PRICKLE2: variants seen among roughly 807,000 people sequenced by gnomAD.
PRICKLE2 encodes the protein prickle planar cell polarity protein 2, also known as prickle-like protein 2.
In PRICKLE2, 21 loss-of-function variants were observed where a neutral mutation model predicts 81.4. That is an observed-to-expected ratio of 0.26 (90% confidence interval 0.18 to 0.37). The LOEUF is 0.37. PRICKLE2 is among the 10% of genes least tolerant of loss of function. The pLI is 1.00. For missense variants in PRICKLE2, 940 were observed against 1,109.0 expected, an observed-to-expected ratio of 0.85 and a Z score of 2.16; for synonymous variants, 456 against 421.5, an observed-to-expected ratio of 1.08 and a Z score of -1.00.
chr3:64,216,404 G>A (rs1176139963), intron 1 of PRICKLE2, among the ~76,000 whole-genome samples: 1 of 152,190 alleles, frequency 6.6e-6, no homozygotes, highest in Non-Finnish European at 1.5e-5. Context: ...ATCTGGTTTG[G>A]AAAACTGGTT....
intron 7 of PRICKLE2, among the ~76,000 whole-genome samples, chr3:64,132,038 T>G (rs1047703114): frequency 6.6e-6 from 1 of 152,204 alleles, no homozygotes; most frequent in African/African-American, 2.4e-5. Context: ...GGACAAGTTC[T>G]CTCTTGCCTC....
chr3:64,215,604 TA>T (rs1183475523), intron 1 of PRICKLE2, among the ~76,000 whole-genome samples: 10 of 152,236 alleles, frequency 6.6e-5, no homozygotes, highest in African/African-American at 1.2e-4. Context: ...TTTTCATATT[TA>T]TTTTTTTACA....
intron 7 of PRICKLE2, among the ~76,000 whole-genome samples, chr3:64,139,691 T>C (rs916708491): frequency 1.3e-5 from 2 of 152,328 alleles, no homozygotes; most frequent in African/African-American, 4.8e-5. Flanking sequence ...ACACCATTAA[T>C]ATAGCCCTAA....
intron 1 of PRICKLE2, among the ~76,000 whole-genome samples, chr3:64,222,906 C>A (rs562719934): frequency 6.6e-6 from 1 of 152,298 alleles, no homozygotes; most frequent in Admixed American, 6.5e-5. Flanking sequence ...AAACAGGATG[C>A]CTTCTTTAAG....
intron 2 of PRICKLE2, chr3:64,194,159 T>A (rs2078404440): frequency 2.0e-5 from 3 of 152,234 alleles, no homozygotes; most frequent in African/African-American, 7.2e-5. Context: ...AGCCAGCTGG[T>A]CATGCAGCTC....
At chr3:64,246,039 G>A (rs917623644) in intron 2 of PRICKLE2, among the ~76,000 whole-genome samples, 1 of 152,118 alleles carries the variant, frequency 6.6e-6, no homozygotes, top group African/African-American at 2.4e-5. Context: ...GAGGCCAGGA[G>A]TTCGAGACCA....
chr3:64,178,996 TTTC>T (rs1412270424), intron 2 of PRICKLE2, among the ~76,000 whole-genome samples: 3 of 148,426 alleles, frequency 2.0e-5, no homozygotes, highest in East Asian at 2.0e-4. Context: ...TCTTTCTTTC[TTTC>T]TTTCTTTCTT....
At chr3:64,142,773 G>A (rs2077383897) in intron 7 of PRICKLE2, among the ~76,000 whole-genome samples, 2 of 152,154 alleles carry the variant, frequency 1.3e-5, no homozygotes, top group African/African-American at 4.8e-5. Context: ...AAGGTCATAT[G>A]TGTCAAAGAC....
chr3:64,135,773 G>A (rs9809042), intron 7 of PRICKLE2, among the ~76,000 whole-genome samples: 7,335 of 152,190 alleles, frequency 0.048, 579 homozygotes, highest in African/African-American at 0.16. Flanking sequence ...TGCTCAAGGT[G>A]ATGCTGGTAG....
chr3:64,167,422 T>C (rs2077853263), intron 2 of PRICKLE2, among the ~76,000 whole-genome samples: 2 of 152,206 alleles, frequency 1.3e-5, no homozygotes, highest in Non-Finnish European at 2.9e-5. Context: ...AACTTTCCCC[T>C]AAACAAAAGC....
intron 4 of PRICKLE2, among the ~76,000 whole-genome samples, chr3:64,159,114 C>T (rs1370333029): frequency 1.3e-5 from 2 of 152,152 alleles, no homozygotes; most frequent in Non-Finnish European, 2.9e-5. Flanking sequence ...ACCCTGAGCA[C>T]TCAACAGGAG....
At chr3:64,135,628 A>C (rs990114984) in intron 7 of PRICKLE2, among the ~76,000 whole-genome samples, 1 of 151,794 alleles carries the variant, frequency 6.6e-6, no homozygotes, top group Non-Finnish European at 1.5e-5. Flanking sequence ...TGATGGTCTG[A>C]TTTTGATTTG....
chr3:64,203,333 C>G (rs1331634537), intron 1 of PRICKLE2, among the ~76,000 whole-genome samples: 2 of 152,142 alleles, frequency 1.3e-5, no homozygotes, highest in Non-Finnish European at 2.9e-5. Context: ...GGGAAGCAGT[C>G]AGTTTATTTC....
intron 7 of PRICKLE2, among the ~76,000 whole-genome samples, chr3:64,131,250 C>T (rs902530773): frequency 3.3e-5 from 5 of 152,186 alleles, no homozygotes; most frequent in Non-Finnish European, 7.3e-5. Context: ...GGAAACTCTT[C>T]CTGCTGAACT....
At chr3:64,225,780 A>G (rs2079023028), upstream of PRICKLE2, among the ~76,000 whole-genome samples, 2 of 152,028 alleles carry the variant, frequency 1.3e-5, no homozygotes, top group Admixed American at 6.6e-5. Flanking sequence ...CACAATTATC[A>G]ACCTGAGCGC....
intron 5 of PRICKLE2, chr3:64,154,531 G>C (rs1007505007): frequency 6.6e-6 from 1 of 152,096 alleles, no homozygotes; most frequent in African/African-American, 2.4e-5. Context: ...GGGTGACAGG[G>C]TGAAACTCCA....
intron 2 of PRICKLE2, among the ~76,000 whole-genome samples, chr3:64,259,334 C>T (rs1258640099): frequency 6.6e-6 from 1 of 152,134 alleles, no homozygotes; most frequent in Non-Finnish European, 1.5e-5. Flanking sequence ...TATAATACGC[C>T]TAGGAAGTAT....
At chr3:64,126,958 G>C (rs2077117926) in intron 7 of PRICKLE2, among the ~76,000 whole-genome samples, 1 of 152,156 alleles carries the variant, frequency 6.6e-6, no homozygotes, top group Non-Finnish European at 1.5e-5. Context: ...AATAGTTCGT[G>C]AATGCCCACT....
chr3:64,121,758 C>G (rs2077032260), intron 7 of PRICKLE2, among the ~76,000 whole-genome samples: 1 of 152,178 alleles, frequency 6.6e-6, no homozygotes, highest in Non-Finnish European at 1.5e-5. Flanking sequence ...CACCTTACAC[C>G]TTAGTCAAAT....
Sources: gnomAD v4.1 joint callset for allele counts (sites outside exome capture counted in the v4.1 genomes callset) on GRCh38, gnomAD v4.1.1 for gene constraint, MANE v1.5 for transcripts, NCBI Gene and HGNC (gene_info 2026-07-23, HGNC 2026-07-21) for gene names.